Variants in AGBL1 observed in about 807,000 individuals in gnomAD.
The protein encoded by AGBL1 is AGBL carboxypeptidase 1.
AGBL1 carries 130 observed loss-of-function variants against 118.9 expected under a neutral mutation model. The ratio of observed to expected loss-of-function variants is 1.09; its 90% CI spans 0.95 to 1.26. The LOEUF is 1.26. Among genes scored for constraint, AGBL1 ranks in the 50% most tolerant of loss-of-function variants. AGBL1 has a pLI of 0.00. For synonymous variants in AGBL1, 555 were observed against 478.9 expected (o/e 1.16, Z -2.08); for missense variants, 1,584 against 1,298.1 (o/e 1.22, Z -3.38).
intron 19 of AGBL1, among the ~76,000 whole-genome samples, chr15:86,530,239 G>T (rs1012895240): frequency 7.5e-6 from 1 of 132,824 alleles, no homozygotes; most frequent in Admixed American, 7.1e-5. Flanking sequence ...ACACACATAG[G>T]CTGAAAATAA....
At chr15:86,790,074 C>T (rs774628498) in intron 22 of AGBL1, among the ~76,000 whole-genome samples, 2 of 152,064 alleles carry the variant, frequency 1.3e-5, no homozygotes, top group Admixed American at 1.3e-4. Context: ...ATTCTCATTA[C>T]TTATTTCTCA....
At chr15:86,271,836 T>G in intron 15 of AGBL1, 130 bp downstream of exon 15, 1 of 822,872 alleles carries the variant, frequency 1.2e-6, no homozygotes, top group Non-Finnish European at 2.0e-6. Flanking sequence ...CACTCTGTCC[T>G]AATGGCCAGT....
At chr15:86,110,666 G>A (rs944179924) in intron 1 of AGBL1, among the ~76,000 whole-genome samples, 1 of 152,176 alleles carries the variant, frequency 6.6e-6, no homozygotes, top group Admixed American at 6.5e-5. Context: ...AACTAGCTGT[G>A]TGACCTAAGG....
At chr15:86,126,374 C>G (rs533204015) in intron 1 of AGBL1, among the ~76,000 whole-genome samples, 1 of 152,046 alleles carries the variant, frequency 6.6e-6, no homozygotes, top group African/African-American at 2.4e-5. Context: ...TATTGACAAC[C>G]AAGAATCCAT....
chr15:86,541,351 A>C (rs1444448676), intron 19 of AGBL1, among the ~76,000 whole-genome samples: 1 of 152,136 alleles, frequency 6.6e-6, no homozygotes, highest in Admixed American at 6.5e-5. Context: ...CTGCTTTAAC[A>C]AGACCTCCAG....
At chr15:86,720,294 T>G (rs1442833252) in intron 22 of AGBL1, among the ~76,000 whole-genome samples, 1 of 152,234 alleles carries the variant, frequency 6.6e-6, no homozygotes, top group Non-Finnish European at 1.5e-5. Flanking sequence ...CACTACTATC[T>G]ACCCAGTTAC....
At chr15:86,580,368 T>C (rs1349426281) in intron 21 of AGBL1, among the ~76,000 whole-genome samples, 1 of 152,174 alleles carries the variant, frequency 6.6e-6, no homozygotes, top group Non-Finnish European at 1.5e-5. Flanking sequence ...AACTTAACTA[T>C]GTATACATAT....
intron 1 of AGBL1, among the ~76,000 whole-genome samples, chr15:86,106,825 G>A (rs891115073): frequency 1.3e-5 from 2 of 152,198 alleles, no homozygotes; most frequent in African/African-American, 4.8e-5. Context: ...TCTTGGAGTT[G>A]CTCATAGAAA....
chr15:86,255,052 A>G (rs1046686083), intron 7 of AGBL1, among the ~76,000 whole-genome samples: 11 of 152,210 alleles, frequency 7.2e-5, no homozygotes, highest in Non-Finnish European at 1.5e-4. Flanking sequence ...TCCACCAACA[A>G]AAAAGACATG....
intron 18 of AGBL1, among the ~76,000 whole-genome samples, chr15:86,515,177 A>G (rs1163428953): frequency 1.3e-5 from 2 of 152,166 alleles, no homozygotes; most frequent in Non-Finnish European, 1.5e-5. Context: ...ACTGATTTGC[A>G]TGCTTCTGAA....
chr15:86,093,012 TTTAC>T (rs1470134968), intron 1 of AGBL1, among the ~76,000 whole-genome samples: 2 of 152,158 alleles, frequency 1.3e-5, no homozygotes, highest in African/African-American at 2.4e-5. Flanking sequence ...TTCGGAAGTA[TTTAC>T]TGTTTTGGAA....
chr15:86,233,590 ATACT>A (rs1171721762), intron 6 of AGBL1, among the ~76,000 whole-genome samples: 2 of 152,220 alleles, frequency 1.3e-5, no homozygotes, highest in African/African-American at 4.8e-5. Context: ...TGAAGTAAAT[ATACT>A]CAAGGGACTC....
chr15:86,393,643 C>A (rs1190775161), intron 17 of AGBL1, among the ~76,000 whole-genome samples: 1 of 151,936 alleles, frequency 6.6e-6, no homozygotes, highest in African/African-American at 2.4e-5. Context: ...CCGTTAATTT[C>A]AGTTGTGCCT....
chr15:86,959,391 C>T (rs537878994), intron 23 of AGBL1, among the ~76,000 whole-genome samples: 6 of 152,202 alleles, frequency 3.9e-5, no homozygotes, highest in Admixed American at 2.6e-4. Context: ...CATGCTTCTT[C>T]TAAAAAATGT....
At chr15:86,478,637 C>G (rs1288994054) in intron 18 of AGBL1, among the ~76,000 whole-genome samples, 2 of 152,116 alleles carry the variant, frequency 1.3e-5, no homozygotes. Flanking sequence ...GAATCAATAT[C>G]ATGAAAATGG....
At chr15:86,917,201 C>A (rs932777222), downstream of AGBL1, among the ~76,000 whole-genome samples, 1 of 152,086 alleles carries the variant, frequency 6.6e-6, no homozygotes, top group Non-Finnish European at 1.5e-5. This position sits in a 1 kb window ranked among gnomAD's most constrained non-coding sequence, Gnocchi z 4.8. Context: ...CTCTCAGGCT[C>A]GTTTCCTCCC....
At chr15:86,790,310 G>C (rs1021721778) in intron 22 of AGBL1, among the ~76,000 whole-genome samples, 25 of 151,884 alleles carry the variant, frequency 1.6e-4, no homozygotes, top group Admixed American at 1.3e-4. Flanking sequence ...CAGCTGAATA[G>C]AAAGGAAGCC....
At chr15:86,883,136 T>A (rs2079919736) in intron 22 of AGBL1, among the ~76,000 whole-genome samples, 1 of 152,238 alleles carries the variant, frequency 6.6e-6, no homozygotes, top group African/African-American at 2.4e-5. Flanking sequence ...TTTAAAACAT[T>A]GCTTCCATTA....
chr15:86,475,589 T>C (rs2082546216), intron 18 of AGBL1, among the ~76,000 whole-genome samples: 1 of 152,190 alleles, frequency 6.6e-6, no homozygotes. Flanking sequence ...AGACCAAATC[T>C]ACGTCTGATT....
Sources: gnomAD v4.1 joint callset for allele counts (sites outside exome capture counted in the v4.1 genomes callset) on GRCh38, gnomAD v4.1.1 for gene constraint, Gnocchi (gnomAD v3.1) non-coding constraint, MANE v1.5 for transcripts, NCBI Gene and HGNC (gene_info 2026-07-23, HGNC 2026-07-21) for gene names.